MBD5: variants seen among roughly 807,000 people sequenced by gnomAD.
MBD5 encodes methyl-CpG binding domain protein 5.
Under a neutral mutation model 117.3 loss-of-function variants are expected in MBD5, and 13 were observed. That is an observed-to-expected ratio of 0.11 (90% confidence interval 0.07 to 0.18). The LOEUF is 0.18. Ranked by LOEUF, MBD5 falls within the 10% of genes least tolerant of loss-of-function variation. The pLI is 1.00. For missense variants in MBD5, 1,879 were observed against 2,093.8 expected, an observed-to-expected ratio of 0.90 and a Z score of 2.00; for synonymous variants, 727 against 766.4, an observed-to-expected ratio of 0.95 and a Z score of 0.85.
chr2:148,516,542 A>C lies in MBD5; in HGVS notation c.*3601A>C, dbSNP rs1682347139. ...ATTAGTTCATCTTTTTCTTTCATTC[A>C]CTCTATCACATTTGCATTAGCCAAA... On this transcript the variant is annotated 3_prime_UTR_variant, in exon 14 of 14. Transcript: ENST00000642680. 2 of 152,154 alleles carry C rather than the reference A, an allele frequency of 1.3e-5. No homozygotes were observed. The highest frequency in any genetic ancestry group is 4.8e-5 in the African/African-American group (2 of 41,446). 9.4% of individuals were successfully genotyped at this position (152,154 alleles called of 1,614,324 possible). A position where few individuals can be genotyped will look rare whatever the true frequency, so the allele number is the denominator to read the frequency against.
Position 148,458,191 on chromosome 2 carries a change from CAT to C in MBD5, c.-556-9_-556-8del, listed in dbSNP as rs1307835089. On this transcript the variant is annotated splice_polypyrimidine_tract_variant and intron_variant, in intron 4 of 13. Coordinates refer to ENST00000642680, the MANE Select transcript of MBD5 (RefSeq NM_001378120.1). The stretch of plus-strand genomic sequence containing the variant: ...TTAAATATACAAGTTCACATATTTA[CAT>C]ATGTTTCAGGCTACATTATTGGAAT... The C allele has an allele frequency of 2.5e-6, 1 of 399,904 alleles. No homozygotes were observed. Among genetic ancestry groups the C allele is most frequent in the Non-Finnish European group, 4.4e-6 (1 of 226,926 alleles). 24.8% of individuals were successfully genotyped at this position (399,904 alleles called of 1,614,324 possible).
intron 1 of MBD5, among the ~76,000 whole-genome samples, chr2:148,115,541 A>C (rs190217387): frequency 6.6e-6 from 1 of 152,258 alleles, no homozygotes; most frequent in Admixed American, 6.5e-5. Context: ...TATTGTTAGG[A>C]ATTTCCTCCT....
intron 4 of MBD5, among the ~76,000 whole-genome samples, chr2:148,356,446 G>A (rs1270684784): frequency 6.6e-6 from 1 of 151,980 alleles, no homozygotes; most frequent in Non-Finnish European, 1.5e-5. Context: ...CCACTGGACT[G>A]TAAGCTTCAA....
chr2:148,313,471 T>C (rs1417250503), intron 3 of MBD5, among the ~76,000 whole-genome samples: 1 of 150,172 alleles, frequency 6.7e-6, no homozygotes, highest in African/African-American at 2.4e-5. Context: ...AACCACCTAC[T>C]CAAGCAGACG....
intron 1 of MBD5, among the ~76,000 whole-genome samples, chr2:148,090,852 G>A (rs898520332): frequency 1.3e-5 from 2 of 152,000 alleles, no homozygotes; most frequent in African/African-American, 4.8e-5. Flanking sequence ...AATCAGACAA[G>A]AGAAAGAAAT....
rs1008948385 is a variant in MBD5, at chr2:148,233,301, A to G, written c.-774A>G. 1 of 152,204 alleles carries G rather than the reference A, an allele frequency of 6.6e-6. No homozygotes were observed. The highest frequency in any genetic ancestry group is 2.4e-5 in the African/African-American group (1 of 41,456). 9.4% of individuals were successfully genotyped at this position (152,204 alleles called of 1,614,324 possible). ...GAGCACACACTATTTTCCTTCATCA[A>G]TCCATAGAACCCTAATGCTTCTTTA... On this transcript the variant is annotated 5_prime_UTR_variant, in exon 3 of 14. Transcript: ENST00000642680.
chr2:148,407,570 T>G (rs1705122258), intron 4 of MBD5, among the ~76,000 whole-genome samples: 1 of 152,202 alleles, frequency 6.6e-6, no homozygotes. Context: ...TTAGTACTCT[T>G]AAATTATAGC....
At chr2:148,025,672 A>G (rs970487125) in intron 1 of MBD5, 30 of 151,988 alleles carry the variant, frequency 2.0e-4, no homozygotes, top group Non-Finnish European at 3.5e-4. Context: ...GTACATTTTC[A>G]TTTTGAGTTT....
At chr2:148,382,139 C>G (rs1363361890) in intron 4 of MBD5, among the ~76,000 whole-genome samples, 1 of 147,612 alleles carries the variant, frequency 6.8e-6, no homozygotes, top group Non-Finnish European at 1.5e-5. Flanking sequence ...GGGCTAAATG[C>G]TCCAATTAAA....
At chr2:148,163,348 C>T (rs1698053146) in intron 1 of MBD5, among the ~76,000 whole-genome samples, 1 of 152,174 alleles carries the variant, frequency 6.6e-6, no homozygotes, top group Non-Finnish European at 1.5e-5. Flanking sequence ...TACTTCTTCT[C>T]TTAGCTTTGA....
chr2:148,325,006 C>A (rs1702404259), intron 3 of MBD5, among the ~76,000 whole-genome samples: 1 of 152,088 alleles, frequency 6.6e-6, no homozygotes, highest in Non-Finnish European at 1.5e-5. Context: ...TGAAATACAT[C>A]CCATCAATAT....
chr2:148,364,082 G>A (rs1319830979), intron 4 of MBD5, among the ~76,000 whole-genome samples: 1 of 152,092 alleles, frequency 6.6e-6, no homozygotes, highest in Non-Finnish European at 1.5e-5. Context: ...AAAATATTAA[G>A]GGCAGAAGAG....
chr2:148,083,498 T>A (rs927828102), intron 1 of MBD5, among the ~76,000 whole-genome samples: 1 of 152,140 alleles, frequency 6.6e-6, no homozygotes, highest in Non-Finnish European at 1.5e-5. Context: ...CAAAATATAA[T>A]ATGTATATTA....
intron 4 of MBD5, among the ~76,000 whole-genome samples, chr2:148,386,592 G>A (rs1015513455): frequency 1.3e-5 from 2 of 149,986 alleles, no homozygotes; most frequent in South Asian, 4.2e-4. Flanking sequence ...AGTGGCGGGC[G>A]CCTGTAGTCC....
intron 4 of MBD5, among the ~76,000 whole-genome samples, chr2:148,417,031 T>C (rs1369483861): frequency 6.6e-6 from 1 of 152,230 alleles, no homozygotes; most frequent in Non-Finnish European, 1.5e-5. Context: ...CTTTATCCAC[T>C]CATCGGTTGA....
chr2:148,394,391 T>C (rs988915406), intron 4 of MBD5, among the ~76,000 whole-genome samples: 10 of 152,142 alleles, frequency 6.6e-5, no homozygotes, highest in African/African-American at 2.4e-4. Context: ...GTCTATGTTA[T>C]AACAATTTTG....
intron 3 of MBD5, among the ~76,000 whole-genome samples, chr2:148,283,480 T>G (rs1701297946): frequency 1.3e-5 from 2 of 152,166 alleles, no homozygotes; most frequent in Non-Finnish European, 2.9e-5. Flanking sequence ...AATATTTAGC[T>G]TTTAGCAATT....
chr2:148,113,601 G>A (rs1355418465), intron 1 of MBD5, among the ~76,000 whole-genome samples: 1 of 152,126 alleles, frequency 6.6e-6, no homozygotes, highest in Non-Finnish European at 1.5e-5. Context: ...CTAATTTTCA[G>A]TATGAAAGCA....
chr2:148,070,393 C>T (rs1311328696), intron 1 of MBD5, among the ~76,000 whole-genome samples: 1 of 152,036 alleles, frequency 6.6e-6, no homozygotes, highest in African/African-American at 2.4e-5. Context: ...AGAGCTAATC[C>T]CTACTATTTT....
Sources: allele counts gnomAD v4.1 joint callset (sites outside exome capture counted in the v4.1 genomes callset), GRCh38; gene constraint gnomAD v4.1.1; transcripts MANE v1.5; gene names NCBI Gene and HGNC (gene_info 2026-07-23, HGNC 2026-07-21).